The following IMMP2L variants were observed in gnomAD, a reference collection of about 807,000 sequenced individuals.
The protein encoded by IMMP2L is inner mitochondrial membrane peptidase subunit 2, also known as mitochondrial inner membrane protease subunit 2.
In IMMP2L, 18 loss-of-function variants were observed where a neutral mutation model predicts 19.3. That is an observed-to-expected ratio of 0.93 (90% CI 0.64 to 1.38). IMMP2L has a LOEUF of 1.38. Ranked by LOEUF, IMMP2L falls within the 40% of genes most tolerant of loss-of-function variation. The pLI, the probability that IMMP2L is intolerant of heterozygous loss-of-function variation, is 0.00. For missense variants in IMMP2L, 233 were observed against 218.2 expected, an observed-to-expected ratio of 1.07 and a Z score of -0.43; for synonymous variants, 76 against 73.0, an observed-to-expected ratio of 1.04 and a Z score of -0.21.
At chr7:111,307,920 T>C (rs1823054222) in intron 3 of IMMP2L, among the ~76,000 whole-genome samples, 1 of 151,852 alleles carries the variant, frequency 6.6e-6, no homozygotes, top group Non-Finnish European at 1.5e-5. Flanking sequence ...GGCCTGATAT[T>C]AAGGGGATTT....
chr7:110,808,197 C>T (rs1027516689), intron 5 of IMMP2L, among the ~76,000 whole-genome samples: 1 of 152,006 alleles, frequency 6.6e-6, no homozygotes, highest in Non-Finnish European at 1.5e-5. Context: ...ATGGTAAGGA[C>T]TGTAAAATTC....
intron 3 of IMMP2L, among the ~76,000 whole-genome samples, chr7:111,328,993 C>T (rs959394509): frequency 1.3e-5 from 2 of 151,760 alleles, no homozygotes; most frequent in African/African-American, 2.4e-5. Flanking sequence ...GGTAAGATCT[C>T]AGAATCTACT....
At chr7:111,445,810 T>C (rs1838311376) in intron 3 of IMMP2L, among the ~76,000 whole-genome samples, 1 of 152,032 alleles carries the variant, frequency 6.6e-6, no homozygotes, top group African/African-American at 2.4e-5. Flanking sequence ...TTCATCTCAC[T>C]AGGGAGTGCC....
chr7:111,179,720 C>T (rs995681410), intron 3 of IMMP2L, among the ~76,000 whole-genome samples: 2 of 152,176 alleles, frequency 1.3e-5, no homozygotes, highest in Non-Finnish European at 2.9e-5. Flanking sequence ...AAGTCCTACA[C>T]GGCATCTTCT....
In IMMP2L at chr7:110,994,011, T is replaced by C. The variant is rs534185966; in HGVS notation, c.240-30446A>G. On this transcript the variant is annotated intron_variant, in intron 3 of 5. Transcript: ENST00000405709. ...CATGTTAGAACGTATCTTCTCTTAC[T>C]TGGAAAAAAAAAAGGCTCTATTTGT... Among the ~76,000 whole-genome samples the C allele has an allele frequency of 6.6e-5, 10 of 151,822 alleles. No homozygotes were observed. The East Asian group carries it at 1.7e-3, about 26-fold the overall frequency.
intron 3 of IMMP2L, among the ~76,000 whole-genome samples, chr7:111,102,083 TA>T (rs879353268): frequency 0.018 from 2,607 of 144,882 alleles, 73 homozygotes; most frequent in African/African-American, 0.056. Context: ...TCAATTTCTT[TA>T]AAAAAAAAAA....
chr7:110,895,084 C>T (rs1477345595), intron 4 of IMMP2L, among the ~76,000 whole-genome samples: 2 of 152,124 alleles, frequency 1.3e-5, no homozygotes, highest in African/African-American at 2.4e-5. Flanking sequence ...CCACGTGGCT[C>T]GGGAGGCCTC....
At chr7:111,482,436 T>G (rs1036037085) in intron 3 of IMMP2L, among the ~76,000 whole-genome samples, 10 of 152,132 alleles carry the variant, frequency 6.6e-5, no homozygotes, top group Non-Finnish European at 1.0e-4. Flanking sequence ...AAATCTGTGA[T>G]CCAGATTAAG....
At chr7:111,125,892 G>C (rs1801255873) in intron 3 of IMMP2L, among the ~76,000 whole-genome samples, 1 of 144,662 alleles carries the variant, frequency 6.9e-6, no homozygotes, top group Non-Finnish European at 1.5e-5. Context: ...GCAAAACCTA[G>C]GCTCACTGCA....
chr7:111,337,103 CT>C, intron 3 of IMMP2L, among the ~76,000 whole-genome samples: 1 of 152,088 alleles, frequency 6.6e-6, no homozygotes, highest in East Asian at 1.9e-4. Context: ...TTCTGCAAAA[CT>C]TTCTTGGTTC....
intron 5 of IMMP2L, among the ~76,000 whole-genome samples, chr7:110,873,592 C>T (rs1465294906): frequency 1.3e-5 from 2 of 149,232 alleles, no homozygotes; most frequent in African/African-American, 2.5e-5. Context: ...GGTGAAACCC[C>T]GTCTTTACTA....
chr7:110,719,980 T>G (rs1392009197), intron 5 of IMMP2L, among the ~76,000 whole-genome samples: 2 of 152,230 alleles, frequency 1.3e-5, no homozygotes, highest in Non-Finnish European at 2.9e-5. Flanking sequence ...CTGACAGCTG[T>G]AAAACTCAAG....
chr7:110,963,501 T>G lies in IMMP2L; in HGVS notation c.304A>C (p.Arg102=). 1 of 1,591,348 alleles carries G rather than the reference T, an allele frequency of 6.3e-7. No homozygotes were observed. The highest frequency in any genetic ancestry group is 1.3e-5 in the African/African-American group (1 of 74,242). Residue 102 remains arginine, a splice_region_variant and synonymous_variant, in exon 4 of 6, where the codon AGA becomes CGA. Transcript: ENST00000405709. ...RVIALEGDIV[R]TIGHKNRYVK... Reference sequence around the variant, plus strand: ...TCAGAAACAACAGTAAATACTTACCTGACAATATCTCCTTCAAGAGCAATC... The same window carrying G: ...TCAGAAACAACAGTAAATACTTACCGGACAATATCTCCTTCAAGAGCAATC...
chr7:111,336,218 T>TG, intron 3 of IMMP2L, among the ~76,000 whole-genome samples: 1 of 151,034 alleles, frequency 6.6e-6, no homozygotes, highest in African/African-American at 2.4e-5. Flanking sequence ...GCTATTTTTT[T>TG]TTTTTTTAAG....
In IMMP2L at chr7:110,803,651, A is replaced by G. The variant is rs909059395; in HGVS notation, c.408+82942T>C. Reference sequence around the variant, plus strand: ...TCATTGGATGGGGGGAGCTCCAGAAATGGGAGTGACCTTGGACCAGGCAGC... The same window carrying G: ...TCATTGGATGGGGGGAGCTCCAGAAGTGGGAGTGACCTTGGACCAGGCAGC... On this transcript the variant is annotated intron_variant, in intron 5 of 5. Coordinates refer to ENST00000405709, the MANE Select transcript of IMMP2L (RefSeq NM_032549.4). The surrounding 1 kb of genome is among the most constrained non-coding windows in gnomAD (Gnocchi z 4.2). Among the ~76,000 whole-genome samples, 1 of 151,932 alleles carries G rather than the reference A, an allele frequency of 6.6e-6. No individual in the cohort carries two copies. Among genetic ancestry groups the G allele is most frequent in the Non-Finnish European group, 1.5e-5 (1 of 67,964 alleles).
intron 3 of IMMP2L, among the ~76,000 whole-genome samples, chr7:111,469,231 G>A (rs562413821): frequency 2.6e-5 from 4 of 152,188 alleles, no homozygotes; most frequent in South Asian, 2.1e-4. Flanking sequence ...TTGACTTGGC[G>A]ATGCGGGCTC....
intron 3 of IMMP2L, among the ~76,000 whole-genome samples, chr7:110,968,553 G>A (rs1183034790): frequency 6.6e-6 from 1 of 152,192 alleles, no homozygotes; most frequent in East Asian, 1.9e-4. Flanking sequence ...TGTGCCTGTA[G>A]TCCCAGTTAC....
At chr7:111,323,302 C>A (rs922009718) in intron 3 of IMMP2L, among the ~76,000 whole-genome samples, 2 of 151,748 alleles carry the variant, frequency 1.3e-5, no homozygotes, top group Admixed American at 1.3e-4. Flanking sequence ...AAGAAGAAAA[C>A]AAAAAACCCC....
chr7:110,685,394 C>T (rs1793042694), intron 5 of IMMP2L, among the ~76,000 whole-genome samples: 1 of 152,156 alleles, frequency 6.6e-6, no homozygotes, highest in African/African-American at 2.4e-5. Context: ...AAATCACTAG[C>T]TCAGTGCTCT....
Sources: gnomAD v4.1 joint callset for allele counts (sites outside exome capture counted in the v4.1 genomes callset) on GRCh38, gnomAD v4.1.1 for gene constraint, Gnocchi (gnomAD v3.1) non-coding constraint, MANE v1.5 for transcripts, NCBI Gene and HGNC (gene_info 2026-07-23, HGNC 2026-07-21) for gene names.